Variants in CDH13 observed in about 807,000 individuals in gnomAD.
CDH13 encodes cadherin-13.
Under a neutral mutation model 63.8 loss-of-function variants are expected in CDH13, and 24 were observed. The observed-to-expected ratio is 0.38, with a 90% CI of 0.27 to 0.53. The LOEUF (loss-of-function observed/expected upper bound fraction) is 0.53, where lower values mean the gene tolerates loss of function less well. Ranked by LOEUF, CDH13 falls within the 20% of genes least tolerant of loss-of-function variation. The pLI is 0.85. For synonymous variants in CDH13, 503 were observed against 355.3 expected (o/e 1.42, Z -4.67); for missense variants, 1,049 against 903.1 (o/e 1.16, Z -2.07).
intron 7 of CDH13, among the ~76,000 whole-genome samples, chr16:83,555,883 C>T (rs1053114805): frequency 6.6e-6 from 1 of 152,128 alleles, no homozygotes; most frequent in Non-Finnish European, 1.5e-5. Flanking sequence ...CAAGAGTATT[C>T]CGTTCTGTTT....
chr16:82,739,776 ATGG>A (rs2033848711), intron 1 of CDH13, among the ~76,000 whole-genome samples: 2 of 152,220 alleles, frequency 1.3e-5, no homozygotes, highest in African/African-American at 4.8e-5. Context: ...TTGGTTCTGA[ATGG>A]TGAGATAAAT....
intron 2 of CDH13, among the ~76,000 whole-genome samples, chr16:83,005,216 T>A (rs1913361311): frequency 6.6e-6 from 1 of 152,210 alleles, no homozygotes; most frequent in Non-Finnish European, 1.5e-5. Context: ...GCTCTACCCT[T>A]CACAGCTGGA....
intron 6 of CDH13, among the ~76,000 whole-genome samples, chr16:83,365,025 C>G (rs1040198250): frequency 1.3e-5 from 2 of 152,094 alleles, no homozygotes; most frequent in Non-Finnish European, 2.9e-5. Context: ...CACAGGTGTA[C>G]CTATGTAATA....
intron 2 of CDH13, among the ~76,000 whole-genome samples, chr16:82,935,059 C>T (rs866266071): frequency 1.3e-5 from 2 of 152,208 alleles, no homozygotes; most frequent in African/African-American, 4.8e-5. Flanking sequence ...AGTCTATTCT[C>T]ACACTGCTAC....
At chr16:82,639,997 A>G (rs1031065985) in intron 1 of CDH13, among the ~76,000 whole-genome samples, 4 of 152,238 alleles carry the variant, frequency 2.6e-5, no homozygotes, top group Admixed American at 6.5e-5. Context: ...CTCAAGCACA[A>G]TTCTCAGCAT....
At chr16:83,437,028 A>G (rs2072325434) in intron 6 of CDH13, among the ~76,000 whole-genome samples, 1 of 152,126 alleles carries the variant, frequency 6.6e-6, no homozygotes, top group Non-Finnish European at 1.5e-5. Flanking sequence ...AGTCAAAACA[A>G]CTAACTTTCC....
chr16:83,411,637 C>G (rs1412292527), intron 6 of CDH13, among the ~76,000 whole-genome samples: 2 of 152,184 alleles, frequency 1.3e-5, no homozygotes, highest in East Asian at 1.9e-4. Context: ...ACCTATGATA[C>G]TGCAAAGACC....
At chr16:83,572,112 A>G (rs975578553) in intron 7 of CDH13, among the ~76,000 whole-genome samples, 13 of 151,254 alleles carry the variant, frequency 8.6e-5, no homozygotes, top group Admixed American at 6.6e-4. Flanking sequence ...GATGTTATTT[A>G]TTTTTACAGT....
intron 7 of CDH13, among the ~76,000 whole-genome samples, chr16:83,551,990 G>A (rs1161833915): frequency 6.6e-6 from 1 of 152,166 alleles, no homozygotes; most frequent in African/African-American, 2.4e-5. Flanking sequence ...ATAAGTAATG[G>A]GTTAGATGCA....
intron 7 of CDH13, among the ~76,000 whole-genome samples, chr16:83,556,072 A>T (rs1482723437): frequency 6.6e-6 from 1 of 152,236 alleles, no homozygotes; most frequent in Non-Finnish European, 1.5e-5. Flanking sequence ...GACTTTACAA[A>T]AAGACTTAAT....
intron 5 of CDH13, among the ~76,000 whole-genome samples, chr16:83,273,334 C>T (rs957702544): frequency 6.6e-6 from 1 of 152,010 alleles, no homozygotes; most frequent in Admixed American, 6.6e-5. Context: ...CTCCCACCCC[C>T]AACCCTTCAC....
At chr16:83,475,451 C>G (rs187456422) in intron 6 of CDH13, among the ~76,000 whole-genome samples, 1 of 152,318 alleles carries the variant, frequency 6.6e-6, no homozygotes, top group Non-Finnish European at 1.5e-5. Context: ...GGATCTGCCC[C>G]TTGAAGTGAA....
At chr16:83,351,089 A>G (rs2090942423) in intron 6 of CDH13, among the ~76,000 whole-genome samples, 1 of 152,142 alleles carries the variant, frequency 6.6e-6, no homozygotes, top group Non-Finnish European at 1.5e-5. Flanking sequence ...GGTTGTTGCT[A>G]TGGCCTGGTA....
intron 5 of CDH13, among the ~76,000 whole-genome samples, chr16:83,335,968 C>A (rs1027230249): frequency 1.3e-5 from 2 of 151,926 alleles, no homozygotes; most frequent in Non-Finnish European, 2.9e-5. Flanking sequence ...CTTTTGTCTG[C>A]GGCTTGTCCT....
intron 1 of CDH13, among the ~76,000 whole-genome samples, chr16:82,820,434 C>T (rs2037949205): frequency 6.6e-6 from 1 of 152,136 alleles, no homozygotes; most frequent in South Asian, 2.1e-4. Flanking sequence ...GTCCATTTTA[C>T]AGGTAATGAA....
At chr16:83,017,563 T>C (rs960635134) in intron 2 of CDH13, among the ~76,000 whole-genome samples, 1 of 152,208 alleles carries the variant, frequency 6.6e-6, no homozygotes, top group African/African-American at 2.4e-5. Flanking sequence ...CTCCCCTACC[T>C]TCATGATACT....
In CDH13 at chr16:83,216,421, T is replaced by TAG. The variant is rs1291128489; in HGVS notation, c.484-923_484-922insGA. 3.1e-4 allele frequency among the ~76,000 whole-genome samples: 31 copies of TAG among 98,418 alleles called. 2 individuals are homozygous for TAG. In the East Asian group the frequency reaches 0.01, roughly 33 times the overall value. 64.6% of individuals were successfully genotyped at this position (98,418 alleles called of 152,430 possible). On this transcript the variant is annotated intron_variant, in intron 4 of 13. Transcript: ENST00000567109. ...AAATATATATATATATATATATATA[T>TAG]ATATATATATATATATATATATACA...
At position 83,344,933 on chromosome 16, in the gene CDH13, T is replaced by G; in HGVS notation, c.708T>G (p.Ile236Met). ...EGPVPLEVIV[I>M]DQNDNRPIFR... ...CGGTGCCTCTGGAAGTCATTGTGAT[T>G]GATCAGAATGACAACCGACCGATCT... The change falls in exon 6 of 14, where the codon ATT (isoleucine) becomes ATG (methionine). Residue 236 changes from isoleucine (I) to methionine (M), a missense_variant. By Grantham distance (10) the Ile-to-Met change is conservative. Coordinates refer to ENST00000567109, the MANE Select transcript of CDH13 (RefSeq NM_001257.5). 6.2e-7 allele frequency: 1 copy of G among 1,613,960 alleles called. No homozygotes were observed.
chr16:82,961,047 C>T (rs1051428929), intron 2 of CDH13, among the ~76,000 whole-genome samples: 1 of 152,182 alleles, frequency 6.6e-6, no homozygotes, highest in African/African-American at 2.4e-5. Flanking sequence ...GCAGATGCTC[C>T]GTTTTTATGC....
Sources: gnomAD v4.1 joint callset for allele counts (sites outside exome capture counted in the v4.1 genomes callset) on GRCh38, gnomAD v4.1.1 for gene constraint, MANE v1.5 for transcripts, NCBI Gene and HGNC (gene_info 2026-07-23, HGNC 2026-07-21) for gene names.